ZNF208: variants seen among roughly 807,000 people sequenced by gnomAD.
ZNF208 encodes zinc finger protein 208.
ZNF208 carries 10 observed loss-of-function variants against 12.1 expected under a neutral mutation model. The ratio of observed to expected loss-of-function variants is 0.83; its 90% CI spans 0.51 to 1.40. The LOEUF (loss-of-function observed/expected upper bound fraction) is 1.40. ZNF208 is among the 40% of genes most tolerant of loss of function. The probability of loss-of-function intolerance (pLI) is 0.00; values close to 1 mark genes in which losing one functional copy is unlikely to be tolerated. For missense variants in ZNF208, 1,652 were observed against 1,485.0 expected (o/e 1.11, Z -1.85); for synonymous variants, 497 against 488.4 (o/e 1.02, Z -0.23).
chr19:22,005,926 T>TA (rs1320371057), intron 1 of ZNF208, among the ~76,000 whole-genome samples: 1 of 152,184 alleles, frequency 6.6e-6, no homozygotes, highest in African/African-American at 2.4e-5. Flanking sequence ...CATCATGACT[T>TA]AGATGGTGCT....
At chr19:21,960,907 C>A (rs1237332980) in intron 4 of ZNF208, among the ~76,000 whole-genome samples, 2 of 152,082 alleles carry the variant, frequency 1.3e-5, no homozygotes, top group African/African-American at 4.8e-5. Flanking sequence ...AGAAAGCAAC[C>A]CTATTCAGTG....
At chr19:21,947,895 A>C (rs1446936890) in intron 4 of ZNF208, among the ~76,000 whole-genome samples, 1 of 152,078 alleles carries the variant, frequency 6.6e-6, no homozygotes, top group Non-Finnish European at 1.5e-5. Context: ...TTTTGGGCTG[A>C]GTGGATCTAG....
chr19:21,957,640 G>C (rs1467632291), intron 4 of ZNF208, among the ~76,000 whole-genome samples: 1 of 151,976 alleles, frequency 6.6e-6, no homozygotes, highest in Non-Finnish European at 1.5e-5. Context: ...TCCATGGCTT[G>C]GCCCAACTTT....
intron 3 of ZNF208, among the ~76,000 whole-genome samples, chr19:21,981,073 G>A (rs1420575465): frequency 1.3e-5 from 2 of 152,042 alleles, no homozygotes; most frequent in African/African-American, 4.8e-5. Context: ...GTAATTATGA[G>A]CCTAACAACC....
At position 21,968,790 on chromosome 19, in the gene ZNF208, C is replaced by T. The variant is rs140148041; in HGVS notation, c.*2401G>A. On this transcript the variant is annotated 3_prime_UTR_variant, in exon 4 of 4. Transcript: ENST00000397126. ...AACTCTTTGCAATGTGGTAAAACTT[C>T]GCTGTGATTTCATATGATCCAGGGC... Among the ~76,000 whole-genome samples the T allele has an allele frequency of 1.8e-3, 269 of 152,016 alleles. No individual in the cohort carries two copies. Among genetic ancestry groups the T allele is most frequent in the African/African-American group, 5.7e-3 (238 of 41,464 alleles).
chr19:21,994,884 T>A (rs1970802241), intron 1 of ZNF208, among the ~76,000 whole-genome samples: 1 of 152,138 alleles, frequency 6.6e-6, no homozygotes, highest in Non-Finnish European at 1.5e-5. Flanking sequence ...TCAACCATTT[T>A]TCCAGTTGCT....
At chr19:21,975,440 T>C (rs1970411358) in intron 3 of ZNF208, among the ~76,000 whole-genome samples, 1 of 152,104 alleles carries the variant, frequency 6.6e-6, no homozygotes, top group Non-Finnish European at 1.5e-5. Flanking sequence ...TAAAAGTAAA[T>C]GCAAAACTTC....
rs1009512885 is a variant in ZNF208, at chr19:21,967,015, G to A, written c.*4176C>T. The A allele has an allele frequency of 6.6e-6, 1 of 152,038 alleles. No individual in the cohort carries two copies. The highest frequency in any genetic ancestry group is 6.6e-5 in the Admixed American group (1 of 15,256). 9.4% of individuals were successfully genotyped at this position (152,038 alleles called of 1,614,324 possible). A position where few individuals can be genotyped will look rare whatever the true frequency, so the allele number is the denominator to read the frequency against. ...TGCAAATATTTTATTTCATACTGTA[G>A]GTCATCTGTTTACTTTGCTGATAGT... On this transcript the variant is annotated 3_prime_UTR_variant, in exon 4 of 4. Transcript: ENST00000397126.
chr19:21,988,703 C>T (rs1161457964), intron 2 of ZNF208, 80 bp downstream of exon 2: 39 of 1,609,094 alleles, frequency 2.4e-5, no homozygotes, highest in Admixed American at 1.2e-4. Context: ...ATTCATCCTC[C>T]GTTGTTCAGT....
chr19:21,994,879 C>G (rs1366183455), intron 1 of ZNF208, among the ~76,000 whole-genome samples: 1 of 151,876 alleles, frequency 6.6e-6, no homozygotes, highest in Non-Finnish European at 1.5e-5. Context: ...ATAATTCAAC[C>G]ATTTTTCCAG....
At chr19:21,944,043 A>C (rs1179344999) in intron 4 of ZNF208, among the ~76,000 whole-genome samples, 1 of 152,212 alleles carries the variant, frequency 6.6e-6, no homozygotes, top group East Asian at 1.9e-4. Flanking sequence ...TTCTAAATTT[A>C]AAAAACTTGC....
At chr19:22,005,816 T>A (rs1012494227) in intron 1 of ZNF208, among the ~76,000 whole-genome samples, 5 of 151,800 alleles carry the variant, frequency 3.3e-5, no homozygotes, top group African/African-American at 1.2e-4. Context: ...AGAAAAGAGG[T>A]GGGAAAAGAT....
rs770260062 is a variant in ZNF208, at chr19:21,972,121, T to C, written c.2913A>G (p.Lys971=). 1 of 1,609,800 alleles carries C rather than the reference T, an allele frequency of 6.2e-7. No homozygotes were observed. The highest frequency in any genetic ancestry group is 1.3e-5 in the African/African-American group (1 of 74,722). ...TGCCACATTCTTCATATTTGTAAGG[T>C]TTCTCTTCAGTATGAATTTTCTTAT... ...SYHKKIHTEE[K]PYKYEECGKG... is the part of the protein sequence containing the mutation. The change falls in exon 4 of 4, where the codon AAA becomes AAG. Residue 971 remains lysine, a synonymous_variant. Transcript: ENST00000397126.
chr19:21,970,706 CATGA>C lies in ZNF208; in HGVS notation c.*481_*484del. 8.8e-7 allele frequency: 1 copy of C among 1,134,060 alleles called. No individual in the cohort carries two copies. Among genetic ancestry groups the C allele is most frequent in the South Asian group, 1.2e-5 (1 of 81,402 alleles). 70.2% of individuals were successfully genotyped at this position (1,134,060 alleles called of 1,614,324 possible). A position where few individuals can be genotyped will look rare whatever the true frequency, so the allele number is the denominator to read the frequency against. ...TCTCATTTGTAGAGTTTCTCTCCAG[CATGA>C]ATTTTCTTATGTGTAGGAGGGTTGG... is the stretch of plus-strand genomic sequence containing the variant. On this transcript the variant is annotated 3_prime_UTR_variant, in exon 4 of 4. Coordinates refer to ENST00000397126, the MANE Select transcript of ZNF208 (RefSeq NM_007153.3).
At chr19:21,964,566 C>T (rs1398952323), downstream of ZNF208, among the ~76,000 whole-genome samples, 1 of 151,734 alleles carries the variant, frequency 6.6e-6, no homozygotes, top group African/African-American at 2.4e-5. Flanking sequence ...AACTGACAGA[C>T]ACTCCGCATT....
chr19:21,975,776 CAA>C (rs1970418733), intron 3 of ZNF208, among the ~76,000 whole-genome samples: 2 of 70,750 alleles, frequency 2.8e-5, no homozygotes, highest in East Asian at 9.7e-4. Flanking sequence ...GAAATGTCAA[CAA>C]AAGATTTGCA....
chr19:21,994,956 T>TTC (rs1970805755), intron 1 of ZNF208, among the ~76,000 whole-genome samples: 1 of 149,024 alleles, frequency 6.7e-6, no homozygotes, highest in Non-Finnish European at 1.5e-5. Context: ...TTTCTTTTCT[T>TTC]TTTTTTTTTT....
chr19:21,966,044 T>A (rs1184002603), downstream of ZNF208: 1 of 152,012 alleles, frequency 6.6e-6, no homozygotes, highest in African/African-American at 2.4e-5. Context: ...AATTTGTCTT[T>A]CACCCCTAAT....
At position 21,972,332 on chromosome 19, in the gene ZNF208, A is replaced by C. The variant is rs776458776; in HGVS notation, c.2702T>G (p.Phe901Cys). The C allele has an allele frequency of 9.3e-6, 15 of 1,611,900 alleles. No homozygotes were observed. The highest frequency in any genetic ancestry group is 1.3e-5 in the Non-Finnish European group (15 of 1,179,502). ...CEECGKGFSM[F>C]SILTKHEVIH... ...TACCTCATGTTTAGTAAGGATGGAG[A>C]ACATACTAAAACCTTTGCCACATTC... The change falls in exon 4 of 4, where the codon TTC becomes TGC. Residue 901 changes from phenylalanine (F) to cysteine (C), a missense_variant. Coordinates refer to ENST00000397126, the MANE Select transcript of ZNF208 (RefSeq NM_007153.3).
Sources: allele counts gnomAD v4.1 joint callset (sites outside exome capture counted in the v4.1 genomes callset), GRCh38; gene constraint gnomAD v4.1.1; transcripts MANE v1.5; gene names NCBI Gene and HGNC (gene_info 2026-07-23, HGNC 2026-07-21).